The following ARHGAP15 variants were observed in gnomAD, a reference collection of about 807,000 sequenced individuals.
ARHGAP15 encodes Rho GTPase activating protein 15.
A neutral mutation model predicts 63.7 loss-of-function variants in ARHGAP15; 51 were observed. The observed-to-expected ratio is 0.80, with a 90% CI of 0.64 to 1.01. The LOEUF is 1.01. ARHGAP15 is among the 50% of genes least tolerant of loss of function. The pLI is 0.00. For synonymous variants in ARHGAP15, 191 were observed against 193.8 expected, an observed-to-expected ratio of 0.99 and a Z score of 0.12; for missense variants, 560 against 564.6, an observed-to-expected ratio of 0.99 and a Z score of 0.08.
At chr2:143,172,715 G>C (rs1474583393) in intron 2 of ARHGAP15, among the ~76,000 whole-genome samples, 1 of 152,068 alleles carries the variant, frequency 6.6e-6, no homozygotes, top group Non-Finnish European at 1.5e-5. Flanking sequence ...ATATCACAGG[G>C]ATCTGGTGAG....
intron 6 of ARHGAP15, among the ~76,000 whole-genome samples, chr2:143,424,642 A>G (rs767070385): frequency 6.6e-6 from 1 of 151,974 alleles, no homozygotes; most frequent in Non-Finnish European, 1.5e-5. Context: ...ACTAAATCTC[A>G]TCCATCCTTT....
At chr2:143,650,205 T>C (rs547185834) in intron 12 of ARHGAP15, among the ~76,000 whole-genome samples, 1 of 152,032 alleles carries the variant, frequency 6.6e-6, no homozygotes, top group African/African-American at 2.4e-5. Flanking sequence ...CAAAATGATA[T>C]AACATTTCAG....
chr2:143,471,225 T>C (rs951574040), intron 8 of ARHGAP15, among the ~76,000 whole-genome samples: 1 of 147,422 alleles, frequency 6.8e-6, no homozygotes, highest in East Asian at 2.0e-4. Context: ...TACACACACA[T>C]GTGTATGTGT....
At chr2:143,265,690 C>G (rs1443064392) in intron 6 of ARHGAP15, among the ~76,000 whole-genome samples, 1 of 152,084 alleles carries the variant, frequency 6.6e-6, no homozygotes, top group African/African-American at 2.4e-5. Flanking sequence ...TGATACTTAT[C>G]TGGGTAAGGT....
chr2:143,292,173 T>A (rs1682433184), intron 6 of ARHGAP15, among the ~76,000 whole-genome samples: 1 of 152,120 alleles, frequency 6.6e-6, no homozygotes, highest in South Asian at 2.1e-4. Context: ...TTGCAATGAC[T>A]ATTAAATTTC....
At chr2:143,387,493 A>G (rs1687336034) in intron 6 of ARHGAP15, among the ~76,000 whole-genome samples, 2 of 152,220 alleles carry the variant, frequency 1.3e-5, no homozygotes. Flanking sequence ...ATTGTGAGCC[A>G]GGCCCTGTTG....
At chr2:143,670,525 GT>G (rs1682465549) in intron 12 of ARHGAP15, among the ~76,000 whole-genome samples, 1 of 152,292 alleles carries the variant, frequency 6.6e-6, no homozygotes, top group South Asian at 2.1e-4. Flanking sequence ...GTTCCAGAGT[GT>G]TCGCAGCCTG....
chr2:143,466,180 A>G (rs1412783256), intron 8 of ARHGAP15, among the ~76,000 whole-genome samples: 1 of 152,012 alleles, frequency 6.6e-6, no homozygotes, highest in Non-Finnish European at 1.5e-5. Context: ...TTGATTGGCT[A>G]TTGTATTTTC....
intron 6 of ARHGAP15, among the ~76,000 whole-genome samples, chr2:143,300,297 T>C (rs896027482): frequency 2.0e-5 from 3 of 152,016 alleles, no homozygotes; most frequent in Admixed American, 2.0e-4. Flanking sequence ...CAGGATCAGG[T>C]GTGGCCTTGG....
rs186841283 is a variant in ARHGAP15, at chr2:143,719,083, C to G, written c.1244+15559C>G. Among the ~76,000 whole-genome samples, 276 of 152,306 alleles carry G rather than the reference C, an allele frequency of 1.8e-3. 3 individuals carry two copies. The highest frequency in any genetic ancestry group is 3.3e-3 in the Non-Finnish European group (226 of 68,022). ...TTTCAAAGAGACAACAAGTAGAACA[C>G]GTTGGGACAGAACCGCTGTAAGGGG... On this transcript the variant is annotated intron_variant, in intron 13 of 13. Transcript: ENST00000295095.
chr2:143,133,083 C>A (rs989459451), intron 1 of ARHGAP15, among the ~76,000 whole-genome samples: 2 of 151,980 alleles, frequency 1.3e-5, no homozygotes, highest in South Asian at 4.2e-4. Context: ...TGTTATTTGC[C>A]GAGCCATAAA....
chr2:143,698,606 T>C (rs1559132433), intron 12 of ARHGAP15, among the ~76,000 whole-genome samples: 1 of 152,120 alleles, frequency 6.6e-6, no homozygotes, highest in Non-Finnish European at 1.5e-5. Context: ...GAATCACTAT[T>C]GGATGGAAAA....
At chr2:143,199,266 A>G (rs566830559) in intron 2 of ARHGAP15, among the ~76,000 whole-genome samples, 5 of 152,204 alleles carry the variant, frequency 3.3e-5, no homozygotes, top group Non-Finnish European at 7.4e-5. Flanking sequence ...TTGAGCATCA[A>G]CTATGGGTAA....
chr2:143,134,328 T>C lies in ARHGAP15; in HGVS notation c.-15+4862T>C, dbSNP rs185508246. On this transcript the variant is annotated intron_variant, in intron 1 of 13. Transcript: ENST00000295095. ...AACTTCCACCAGCACTTAATGAGAA[T>C]GCTTGCAGAAGCTTCATTGCTTTTT... Among the ~76,000 whole-genome samples, 6 of 152,358 alleles carry C rather than the reference T, an allele frequency of 3.9e-5. 1 individual carries two copies. Among genetic ancestry groups the C allele is most frequent in the African/African-American group, 1.4e-4 (6 of 41,586 alleles).
At chr2:143,509,505 C>A (rs1574552706) in intron 9 of ARHGAP15, among the ~76,000 whole-genome samples, 2 of 152,276 alleles carry the variant, frequency 1.3e-5, no homozygotes, top group East Asian at 1.9e-4. Context: ...CCTCCTGAAG[C>A]ACTTACAGTA....
chr2:143,672,905 A>G (rs1682599598), intron 12 of ARHGAP15, among the ~76,000 whole-genome samples: 1 of 152,352 alleles, frequency 6.6e-6, no homozygotes, highest in South Asian at 2.1e-4. Flanking sequence ...AGTTAAAAAA[A>G]TATGTCAGAA....
At chr2:143,148,206 T>C (rs945789942) in intron 1 of ARHGAP15, among the ~76,000 whole-genome samples, 8 of 152,046 alleles carry the variant, frequency 5.3e-5, no homozygotes, top group Admixed American at 6.6e-5. Context: ...GAGTCCTGTT[T>C]ATCATACAGC....
intron 3 of ARHGAP15, among the ~76,000 whole-genome samples, chr2:143,211,274 T>A (rs933831783): frequency 7.2e-6 from 1 of 138,534 alleles, no homozygotes; most frequent in Non-Finnish European, 1.5e-5. Flanking sequence ...AATAAATAAA[T>A]AAAAGCAATA....
chr2:143,146,545 G>T (rs948310598), intron 1 of ARHGAP15, among the ~76,000 whole-genome samples: 10 of 151,916 alleles, frequency 6.6e-5, no homozygotes, highest in African/African-American at 2.4e-4. Context: ...TCTTGGTTTG[G>T]CTGTAATTAC....
Sources: allele counts gnomAD v4.1 joint callset (sites outside exome capture counted in the v4.1 genomes callset), GRCh38; gene constraint gnomAD v4.1.1; transcripts MANE v1.5; gene names NCBI Gene and HGNC (gene_info 2026-07-23, HGNC 2026-07-21).